Variants in SDAD1 observed in about 807,000 individuals in gnomAD.
SDAD1 encodes the protein protein SDA1 homolog.
Under a neutral mutation model 100.3 loss-of-function variants are expected in SDAD1, and 79 were observed. That is an observed-to-expected ratio of 0.79 (90% CI 0.66 to 0.95). The LOEUF (loss-of-function observed/expected upper bound fraction) is 0.95. SDAD1 is among the 40% of genes least tolerant of loss of function. SDAD1 has a pLI of 0.00. For synonymous variants in SDAD1, 267 were observed against 271.4 expected (o/e 0.98, Z 0.16); for missense variants, 790 against 810.9 (o/e 0.97, Z 0.31).
In SDAD1 at chr4:75,950,460, A is replaced by C. The variant is rs1728570158; in HGVS notation, c.*290T>G. 3.2e-6 allele frequency: 1 copy of C among 314,118 alleles called. No individual in the cohort carries two copies. The highest frequency in any genetic ancestry group is 2.1e-5 in the African/African-American group (1 of 48,352). The allele number at this position is 314,118 out of a possible 1,614,324, so 19.5% of individuals were successfully genotyped here. On this transcript the variant is annotated 3_prime_UTR_variant, in exon 22 of 22. Coordinates refer to ENST00000356260, the MANE Select transcript of SDAD1 (RefSeq NM_018115.4). ...TCAATGCCTTGAGTGAAGGGGTTACAGCTCATTCGTTTTGCATCTACAGTG... is the reference window on the plus strand; with the variant it reads ...TCAATGCCTTGAGTGAAGGGGTTACCGCTCATTCGTTTTGCATCTACAGTG...
At chr4:75,979,476 A>T (rs923404083) in intron 3 of SDAD1, among the ~76,000 whole-genome samples, 42 of 151,158 alleles carry the variant, frequency 2.8e-4, no homozygotes, top group Middle Eastern at 3.4e-3. Flanking sequence ...TATTATTATT[A>T]TTATTTTTTT....
intron 14 of SDAD1, among the ~76,000 whole-genome samples, chr4:75,961,529 C>G (rs965627530): frequency 1.3e-5 from 2 of 152,050 alleles, no homozygotes; most frequent in Non-Finnish European, 2.9e-5. Flanking sequence ...GAATAAGGAA[C>G]AGTGTCCGGC....
chr4:75,960,070 A>T lies in SDAD1; in HGVS notation c.1479T>A (p.Asp493Glu). Residue 493 changes from aspartate to glutamate, a missense_variant, in exon 17 of 22, where the codon GAT (aspartate) becomes GAA (glutamate). Coordinates refer to ENST00000356260, the MANE Select transcript of SDAD1 (RefSeq NM_018115.4). ...EVEKEENAEN[D>E]EDGWESTSLS... Reference sequence around the variant, plus strand: ...AAGGGTGAAATAAAAATCAACCTTCATCATTTTCAGCATTCTCTTCTTTCT... The same window carrying T: ...AAGGGTGAAATAAAAATCAACCTTCTTCATTTTCAGCATTCTCTTCTTTCT... 1 of 1,608,430 alleles carries T rather than the reference A, an allele frequency of 6.2e-7. No individual in the cohort carries two copies. The highest frequency in any genetic ancestry group is 8.5e-7 in the Non-Finnish European group (1 of 1,178,890).
At chr4:75,965,963 C>A in intron 12 of SDAD1, 141 bp from the exon 13 acceptor site, 1 of 650,838 alleles carries the variant, frequency 1.5e-6, no homozygotes, top group South Asian at 1.9e-5. Context: ...CAGATATCTG[C>A]TTGGCTTACC....
At chr4:75,981,292 G>A (rs1730492901) in intron 3 of SDAD1, 80 bp downstream of exon 3, 1 of 1,278,560 alleles carries the variant, frequency 7.8e-7, no homozygotes, top group African/African-American at 1.5e-5. Flanking sequence ...AATTAGCTTA[G>A]AGGCTGTTCT....
chr4:75,977,572 C>T (rs1032161015), intron 4 of SDAD1, 74 bp downstream of exon 4: 20 of 909,756 alleles, frequency 2.2e-5, no homozygotes, highest in South Asian at 2.7e-5. Context: ...TGTAAAGCAT[C>T]GATAATTCAA....
intron 11 of SDAD1, among the ~76,000 whole-genome samples, chr4:75,968,745 G>T (rs68181445): frequency 6.6e-6 from 1 of 151,930 alleles, no homozygotes; most frequent in Non-Finnish European, 1.5e-5. Context: ...TAAAAAAGCA[G>T]AACAGGCCAG....
At chr4:75,953,701 A>G (rs1728735537) in intron 21 of SDAD1, among the ~76,000 whole-genome samples, 1 of 152,198 alleles carries the variant, frequency 6.6e-6, no homozygotes. Context: ...TGGCCGTTAC[A>G]TTCAGTGCTG....
At chr4:75,955,929 G>C (rs780706874) in intron 21 of SDAD1, 46 bp downstream of exon 21, 31 of 1,549,840 alleles carry the variant, frequency 2.0e-5, no homozygotes, top group Non-Finnish European at 3.5e-6. Flanking sequence ...AGCTGTCTTG[G>C]AATTACAGTG....
chr4:75,964,270 T>C (rs2271527), intron 13 of SDAD1, 59 bp from the exon 14 acceptor site: 291,251 of 1,115,690 alleles, frequency 0.26, 41,394 homozygotes, highest in East Asian at 0.51. Context: ...CACAAACACA[T>C]AAGAATGAAA....
chr4:75,957,395 G>T lies in SDAD1; in HGVS notation c.1784C>A (p.Ser595Tyr), dbSNP rs35838958. The T allele has an allele frequency of 1.5e-4, 246 of 1,614,078 alleles. No homozygotes were observed. In the African/African-American group the frequency reaches 2.9e-3, roughly 19 times the overall value. Residue 595 changes from serine to tyrosine, a missense_variant, in exon 20 of 22, where the codon TCT becomes TAT. Ser to Tyr is a moderately radical substitution (Grantham distance 144). Transcript: ENST00000356260. ...SDEEPRGELL[S>Y]LRDIERLHKK... ...ATGAAGGCGTTCAATGTCCCGAAGA[G>T]AAAGTAATTCACCCCTGGGGTGAGG...
At chr4:75,989,504 T>C (rs1243402877) in intron 1 of SDAD1, among the ~76,000 whole-genome samples, 1 of 152,242 alleles carries the variant, frequency 6.6e-6, no homozygotes, top group South Asian at 2.1e-4. Flanking sequence ...AGTAGTTATA[T>C]GTGATTTTGC....
intron 20 of SDAD1, among the ~76,000 whole-genome samples, chr4:75,956,583 G>T (rs1379586451): frequency 6.6e-6 from 1 of 152,152 alleles, no homozygotes; most frequent in Non-Finnish European, 1.5e-5. Context: ...TGGAGATACA[G>T]AAAATGATGT....
In SDAD1 at chr4:75,967,015, T is replaced by C. The variant is rs11097192; in HGVS notation, c.1045+262A>G. Among the ~76,000 whole-genome samples, 121,739 of 152,162 alleles carry C rather than the reference T, an allele frequency of 0.8. 51,302 individuals carry two copies. Among genetic ancestry groups the C allele is most frequent in the East Asian group, 0.94 (4,867 of 5,174 alleles). On this transcript the variant is annotated intron_variant, in intron 12 of 21. Transcript: ENST00000356260. ...CTCCTGACCTCAGGTAATCCACCCA[T>C]CTTGGCCTCCCAAAGTGCTGGGATT...
chr4:75,952,802 G>C (rs1003101193), intron 21 of SDAD1, among the ~76,000 whole-genome samples: 1 of 152,130 alleles, frequency 6.6e-6, no homozygotes. Flanking sequence ...ACGACATGCT[G>C]ATTTCAATTA....
At chr4:75,970,239 AC>A in intron 10 of SDAD1, 69 bp downstream of exon 10, 1 of 1,287,398 alleles carries the variant, frequency 7.8e-7, no homozygotes, top group Non-Finnish European at 1.1e-6. Context: ...TTCCCTGAAA[AC>A]CCCAAAGGCA....
At chr4:75,974,232 G>T in intron 6 of SDAD1, 99 bp from the exon 7 acceptor site, 1 of 952,108 alleles carries the variant, frequency 1.1e-6, no homozygotes, top group Non-Finnish European at 1.7e-6. Flanking sequence ...AAATGTTTGT[G>T]ACGTACTAGA....
intron 13 of SDAD1, 107 bp from the exon 14 acceptor site, chr4:75,964,318 C>A: frequency 1.3e-6 from 1 of 752,370 alleles, no homozygotes; most frequent in Admixed American, 2.7e-5. Context: ...CCCAGCCTTC[C>A]ACCTTCAGTT....
At chr4:75,970,196 A>C (rs1729784782) in intron 10 of SDAD1, 113 bp downstream of exon 10, 2 of 823,992 alleles carry the variant, frequency 2.4e-6, no homozygotes, top group Admixed American at 2.4e-5. Flanking sequence ...CTAAGCATTT[A>C]TTGACTATCT....
Sources: allele counts gnomAD v4.1 joint callset (sites outside exome capture counted in the v4.1 genomes callset), GRCh38; gene constraint gnomAD v4.1.1; transcripts MANE v1.5; gene names NCBI Gene and HGNC (gene_info 2026-07-23, HGNC 2026-07-21).